NRXN1: variants seen among roughly 807,000 people sequenced by gnomAD.
NRXN1 encodes neurexin 1, also known as neurexin-1.
A neutral mutation model predicts 150.9 loss-of-function variants in NRXN1; 39 were observed. The observed-to-expected ratio is 0.26, with a 90% CI of 0.20 to 0.34. The LOEUF is 0.34. NRXN1 is among the 10% of genes least tolerant of loss of function. The pLI, the probability that NRXN1 is intolerant of heterozygous loss-of-function variation, is 1.00. For synonymous variants in NRXN1, 924 were observed against 757.0 expected, an observed-to-expected ratio of 1.22 and a Z score of -3.62; for missense variants, 1,815 against 1,949.9, an observed-to-expected ratio of 0.93 and a Z score of 1.30.
At chr2:49,956,632 G>T (rs368163600) in intron 21 of NRXN1, among the ~76,000 whole-genome samples, 2 of 152,148 alleles carry the variant, frequency 1.3e-5, no homozygotes, top group African/African-American at 4.8e-5. Context: ...CCAACATACC[G>T]TAGCACCTTA....
At chr2:50,373,294 T>TTATTATTA (rs1553512407) in intron 17 of NRXN1, among the ~76,000 whole-genome samples, 17,179 of 140,254 alleles carry the variant, frequency 0.12, 1,322 homozygotes, top group African/African-American at 0.18. Context: ...TATTTTATTT[T>TTATTATTA]TTATTATTAT....
chr2:50,401,869 T>A (rs1453739694), intron 17 of NRXN1, among the ~76,000 whole-genome samples: 4 of 152,144 alleles, frequency 2.6e-5, no homozygotes, highest in African/African-American at 9.7e-5. Flanking sequence ...CTGGAGATAA[T>A]CATGCAAACC....
intron 5 of NRXN1, among the ~76,000 whole-genome samples, chr2:50,901,432 G>C (rs1682924029): frequency 6.6e-6 from 1 of 152,126 alleles, no homozygotes; most frequent in African/African-American, 2.4e-5. Context: ...AGCTACTCAG[G>C]AGGCTGAGGC....
intron 17 of NRXN1, among the ~76,000 whole-genome samples, chr2:50,261,361 G>A (rs981122144): frequency 6.6e-6 from 1 of 151,766 alleles, no homozygotes; most frequent in Non-Finnish European, 1.5e-5. Flanking sequence ...TACGCTCAGA[G>A]AGATTCATTT....
rs535483151 is a variant in NRXN1, at chr2:50,614,691, G to A, written c.1320+5331C>T. 4.4e-4 allele frequency among the ~76,000 whole-genome samples: 46 copies of A among 104,204 alleles called. No homozygotes were observed. In the South Asian group the frequency reaches 0.012, roughly 27 times the overall value. The allele number at this position is 104,204 out of a possible 152,430, so 68.4% of individuals were successfully genotyped here. On this transcript the variant is annotated intron_variant, in intron 8 of 22. Transcript: ENST00000401669. ...AAAAAAAACAGAATATCCCCTTTTG[G>A]AAGTAGAAGTAGATTAACCTATTAA...
chr2:50,898,704 G>T (rs1465039018), intron 5 of NRXN1: 1 of 351,118 alleles, frequency 2.8e-6, no homozygotes, highest in South Asian at 2.2e-5. Flanking sequence ...AATATAAAAA[G>T]CACATTTATA....
At chr2:50,833,007 A>C (rs66493254) in intron 5 of NRXN1, among the ~76,000 whole-genome samples, 11,642 of 152,218 alleles carry the variant, frequency 0.076, 512 homozygotes, top group Admixed American at 0.082. Flanking sequence ...AAGTGGACAA[A>C]ATAATTAAAC....
At chr2:50,052,943 TG>T (rs1317159273) in intron 21 of NRXN1, among the ~76,000 whole-genome samples, 1 of 152,188 alleles carries the variant, frequency 6.6e-6, no homozygotes, top group Non-Finnish European at 1.5e-5. Context: ...TTCATTAACT[TG>T]TTCATTTAAA....
chr2:50,050,257 G>C (rs1307447194), intron 21 of NRXN1, among the ~76,000 whole-genome samples: 1 of 150,786 alleles, frequency 6.6e-6, no homozygotes, highest in East Asian at 2.0e-4. Flanking sequence ...TATATTCTCT[G>C]AGTCTGTGAA....
chr2:50,275,870 C>T (rs1218676487), intron 17 of NRXN1, among the ~76,000 whole-genome samples: 1 of 151,420 alleles, frequency 6.6e-6, no homozygotes, highest in Non-Finnish European at 1.5e-5. Flanking sequence ...TGCTGTATAA[C>T]TATAGTGTCA....
intron 21 of NRXN1, among the ~76,000 whole-genome samples, chr2:49,979,874 A>C (rs1679668854): frequency 6.6e-6 from 1 of 151,524 alleles, no homozygotes; most frequent in African/African-American, 2.4e-5. Flanking sequence ...CCAAGTGAGT[A>C]AAATTCCACA....
rs1022763573 is a variant in NRXN1 at position 51,030,571 on chromosome 2, C to T, written c.-921-1377G>A. Among the ~76,000 whole-genome samples the T allele has an allele frequency of 1.8e-4, 23 of 125,490 alleles. No individual in the cohort carries two copies. In the Admixed American group the frequency reaches 1.9e-3, roughly 10 times the overall value. 82.3% of individuals were successfully genotyped at this position (125,490 alleles called of 152,430 possible). A position where few individuals can be genotyped will look rare whatever the true frequency, so the allele number is the denominator to read the frequency against. Reference sequence around the variant, plus strand: ...ACACACACACACACACACACACACACAGTGTGGGTGTGCGCACATACACAC... The same window carrying T: ...ACACACACACACACACACACACACATAGTGTGGGTGTGCGCACATACACAC... On this transcript the variant is annotated intron_variant, in intron 1 of 22. Transcript: ENST00000401669.
intron 2 of NRXN1, among the ~76,000 whole-genome samples, chr2:50,940,470 T>C (rs1689249016): frequency 7.3e-6 from 1 of 136,128 alleles, no homozygotes; most frequent in African/African-American, 2.8e-5. Flanking sequence ...CAAGACTCCA[T>C]CTCAAAAAAA....
At chr2:50,585,761 G>A (rs938198386) in intron 8 of NRXN1, among the ~76,000 whole-genome samples, 7 of 151,916 alleles carry the variant, frequency 4.6e-5, no homozygotes, top group African/African-American at 1.7e-4. Context: ...TTTTTGATGG[G>A]GCCTCAGTCA....
At chr2:50,472,213 A>G (rs1022906654) in intron 16 of NRXN1, 85 bp downstream of exon 16, 13 of 1,202,270 alleles carry the variant, frequency 1.1e-5, no homozygotes, top group African/African-American at 9.3e-5. Flanking sequence ...ACCAGTTATC[A>G]GAATTTTGCT....
Position 50,763,148 on chromosome 2 carries a change from C to T in NRXN1, c.833-139533G>A, listed in dbSNP as rs545432382. Reference sequence around the variant, plus strand: ...TCCTATCTCAATCTCTCACACCTGTCTACTCTCCCAAGTTTCTGTAAGAAT... The same window carrying T: ...TCCTATCTCAATCTCTCACACCTGTTTACTCTCCCAAGTTTCTGTAAGAAT... On this transcript the variant is annotated intron_variant, in intron 5 of 22. Coordinates refer to ENST00000401669, the MANE Select transcript of NRXN1 (RefSeq NM_001330078.2). Among the ~76,000 whole-genome samples the T allele has an allele frequency of 2.6e-5, 4 of 152,066 alleles. No individual in the cohort carries two copies. In the East Asian group the frequency reaches 7.8e-4, roughly 30 times the overall value.
chr2:51,001,383 C>G (rs1700058961), intron 2 of NRXN1, among the ~76,000 whole-genome samples: 1 of 151,762 alleles, frequency 6.6e-6, no homozygotes, highest in Admixed American at 6.6e-5. Context: ...CTTTCCAAAA[C>G]AGCAATTTGA....
At chr2:50,159,404 T>C (rs914663915) in intron 18 of NRXN1, among the ~76,000 whole-genome samples, 5 of 152,134 alleles carry the variant, frequency 3.3e-5, no homozygotes, top group African/African-American at 7.2e-5. Flanking sequence ...TGTTCTATCA[T>C]TGGAAGAACT....
At chr2:50,271,745 T>C (rs1238901513) in intron 17 of NRXN1, among the ~76,000 whole-genome samples, 1 of 152,142 alleles carries the variant, frequency 6.6e-6, no homozygotes, top group African/African-American at 2.4e-5. Flanking sequence ...ATGACTGGCA[T>C]TGCTAAAAAA....
Sources: allele counts gnomAD v4.1 joint callset (sites outside exome capture counted in the v4.1 genomes callset), GRCh38; gene constraint gnomAD v4.1.1; transcripts MANE v1.5; gene names NCBI Gene and HGNC (gene_info 2026-07-23, HGNC 2026-07-21).